Variants in FRMD7 observed in about 807,000 individuals in gnomAD.
FRMD7 encodes FERM domain containing 7.
A neutral mutation model predicts 44.1 loss-of-function variants in FRMD7; 14 were observed. The observed-to-expected ratio is 0.32, with a 90% CI of 0.21 to 0.50. The LOEUF is 0.50. Ranked by LOEUF, FRMD7 falls within the 20% of genes least tolerant of loss-of-function variation. The pLI, the probability that FRMD7 is intolerant of heterozygous loss-of-function variation, is 0.99. For synonymous variants in FRMD7, 212 were observed against 187.4 expected, an observed-to-expected ratio of 1.13 and a Z score of -1.07; for missense variants, 501 against 522.3, an observed-to-expected ratio of 0.96 and a Z score of 0.40.
In FRMD7 at chrX:132,077,924, G is replaced by T. The variant is rs755805433; in HGVS notation, c.2093C>A (p.Pro698Gln). ...EEDEDAYFNT[P>Q]TAEDRTSLKP... is the part of the protein sequence containing the mutation. The stretch of plus-strand genomic sequence containing the variant: ...TAGTGAAGTCCTGTCTTCAGCAGTT[G>T]GTGTGTTGAAATAAGCATCTTCATC... The change falls in exon 12 of 12, where the codon CCA becomes CAA. Residue 698 changes from proline to glutamine, a missense_variant. Transcript: ENST00000298542. 9.9e-6 allele frequency: 12 copies of T among 1,210,224 alleles called. No homozygotes were observed. The highest frequency in any genetic ancestry group is 1.3e-5 in the Non-Finnish European group (12 of 894,129).
intron 1 of FRMD7, among the ~76,000 whole-genome samples, chrX:132,116,613 A>G (rs1303976976): frequency 8.9e-6 from 1 of 111,784 alleles, no homozygotes; most frequent in Non-Finnish European, 1.9e-5. Context: ...GGAGCTGAAC[A>G]ATGAGAACAC....
At chrX:132,096,495 C>T (rs1166525945) in intron 4 of FRMD7, among the ~76,000 whole-genome samples, 2 of 107,726 alleles carry the variant, frequency 1.9e-5, no homozygotes, top group Non-Finnish European at 3.8e-5. Context: ...GGCGGAGAAT[C>T]ATTTGAGCTC....
intron 1 of FRMD7, among the ~76,000 whole-genome samples, chrX:132,109,550 C>T (rs67284309): frequency 0.083 from 9,231 of 111,299 alleles, 359 homozygotes; most frequent in Non-Finnish European, 0.11. Context: ...ATACTCTCCT[C>T]GGCTCCAGGG....
chrX:132,094,284 T>A (rs899185742), intron 4 of FRMD7, 145 bp from the exon 5 acceptor site: 15 of 476,494 alleles, frequency 3.1e-5, no homozygotes, highest in Non-Finnish European at 4.8e-5. Flanking sequence ...GAGTAATGCA[T>A]AGGCTTTGCT....
chrX:132,077,272 G>C lies in FRMD7; in HGVS notation c.*600C>G, dbSNP rs750133372. On this transcript the variant is annotated 3_prime_UTR_variant, in exon 12 of 12. Coordinates refer to ENST00000298542, the MANE Select transcript of FRMD7 (RefSeq NM_194277.3). The stretch of plus-strand genomic sequence containing the variant: ...TTTCCTAGGTTTAGAATTCTGCCAA[G>C]TCCTAGATTAATTCTAAACCTGTAT... 328 of 111,901 alleles carry C rather than the reference G, an allele frequency of 2.9e-3. No homozygotes were observed. The highest frequency in any genetic ancestry group is 5.0e-3 in the Non-Finnish European group (267 of 53,289). 9.2% of individuals were successfully genotyped at this position (111,901 alleles called of 1,213,427 possible). A position where few individuals can be genotyped will look rare whatever the true frequency, so the allele number is the denominator to read the frequency against.
intron 1 of FRMD7, among the ~76,000 whole-genome samples, chrX:132,114,928 G>A (rs138918056): frequency 3.4e-4 from 38 of 112,267 alleles, no homozygotes; most frequent in African/African-American, 1.1e-3. Flanking sequence ...CTCTTCACTT[G>A]GGTTCCTGCT....
chrX:132,097,818 C>T (rs1928386154), intron 3 of FRMD7, among the ~76,000 whole-genome samples: 1 of 112,440 alleles, frequency 8.9e-6, no homozygotes, highest in Admixed American at 9.5e-5. Flanking sequence ...ATTAAGAAAA[C>T]ACATATACTT....
At chrX:132,111,286 G>T (rs745524249) in intron 1 of FRMD7, among the ~76,000 whole-genome samples, 2 of 111,590 alleles carry the variant, frequency 1.8e-5, no homozygotes, top group South Asian at 3.8e-4. Context: ...TTTTGAGACT[G>T]AGTTATAAGA....
chrX:132,095,557 T>C (rs1928307394), intron 4 of FRMD7, among the ~76,000 whole-genome samples: 1 of 112,424 alleles, frequency 8.9e-6, no homozygotes, highest in Non-Finnish European at 1.9e-5. Context: ...TGTGAAAATC[T>C]AGATTGAAAA....
chrX:132,127,951 A>T lies in FRMD7; in HGVS notation c.-107T>A. ...GGTGCACTCGGGCCCCCCCACCCCC[A>T]GCCAGGCATTCCCACTGTCAGCGGG... On this transcript the variant is annotated 5_prime_UTR_variant, in exon 1 of 12. Coordinates refer to ENST00000298542, the MANE Select transcript of FRMD7 (RefSeq NM_194277.3). 1.5e-6 allele frequency: 1 copy of T among 647,715 alleles called. No individual in the cohort carries two copies. The highest frequency in any genetic ancestry group is 2.2e-5 in the South Asian group (1 of 45,309). The allele number at this position is 647,715 out of a possible 1,213,427, so 53.4% of individuals were successfully genotyped here. A position where few individuals can be genotyped will look rare whatever the true frequency, so the allele number is the denominator to read the frequency against.
chrX:132,112,907 C>A (rs1928813631), intron 1 of FRMD7, among the ~76,000 whole-genome samples: 1 of 111,627 alleles, frequency 9.0e-6, no homozygotes, highest in Admixed American at 9.5e-5. Context: ...ATGACCTGGA[C>A]AGGTTGCATC....
intron 5 of FRMD7, among the ~76,000 whole-genome samples, chrX:132,086,842 T>A (rs528055046): frequency 1.8e-5 from 2 of 112,025 alleles, no homozygotes; most frequent in South Asian, 7.5e-4. Flanking sequence ...GAAAGAGGAA[T>A]ATAAATGCCA....
rs1029630139 is a variant in FRMD7, at chrX:132,077,572, A to G, written c.*300T>C. Reference sequence around the variant, plus strand: ...CCATTCTTCAGCATTGAAGAGCCTGACCTTCACTCACAATGTCTCTATGAG... The same window carrying G: ...CCATTCTTCAGCATTGAAGAGCCTGGCCTTCACTCACAATGTCTCTATGAG... On this transcript the variant is annotated 3_prime_UTR_variant, in exon 12 of 12. Coordinates refer to ENST00000298542, the MANE Select transcript of FRMD7 (RefSeq NM_194277.3). 9.1e-5 allele frequency: 28 copies of G among 308,654 alleles called. No individual in the cohort carries two copies. The highest frequency in any genetic ancestry group is 6.4e-4 in the South Asian group (12 of 18,711). 25.4% of individuals were successfully genotyped at this position (308,654 alleles called of 1,213,427 possible).
At chrX:132,108,955 A>G (rs915126192) in intron 1 of FRMD7, among the ~76,000 whole-genome samples, 2 of 111,806 alleles carry the variant, frequency 1.8e-5, no homozygotes, top group Non-Finnish European at 3.8e-5. Context: ...AAAGCTCTTT[A>G]AACAAATGTA....
At chrX:132,123,331 G>A (rs894986787) in intron 1 of FRMD7, among the ~76,000 whole-genome samples, 3 of 111,280 alleles carry the variant, frequency 2.7e-5, no homozygotes, top group Non-Finnish European at 3.8e-5. Context: ...ATTACTCCTC[G>A]CAACAACTCA....
rs966404639 is a variant in FRMD7, at chrX:132,079,986, G to A, written c.1050+20C>T. 4.6e-6 allele frequency: 5 copies of A among 1,080,953 alleles called. No individual in the cohort carries two copies. Among genetic ancestry groups the A allele is most frequent in the Non-Finnish European group, 6.4e-6 (5 of 776,308 alleles). The allele number at this position is 1,080,953 out of a possible 1,213,427, so 89.1% of individuals were successfully genotyped here. A position where few individuals can be genotyped will look rare whatever the true frequency, so the allele number is the denominator to read the frequency against. ...CAAATTACATTTATCTAAAGAAGTA[G>A]AAATTTTCAGAAACCTTACTTGTTT... On this transcript the variant is annotated intron_variant, in intron 11 of 11. Coordinates refer to ENST00000298542, the MANE Select transcript of FRMD7 (RefSeq NM_194277.3).
chrX:132,080,295 G>T (rs751277974), intron 9 of FRMD7, 29 bp from the exon 10 acceptor site: 2 of 1,025,300 alleles, frequency 2.0e-6, no homozygotes, highest in South Asian at 1.9e-5. Flanking sequence ...AAAATCCTTA[G>T]TTCTAGCCAT....
intron 1 of FRMD7, among the ~76,000 whole-genome samples, chrX:132,114,749 G>C (rs1928860369): frequency 8.9e-6 from 1 of 111,889 alleles, no homozygotes; most frequent in South Asian, 3.7e-4. Context: ...CTACACTAAG[G>C]GACCAGTTCT....
rs578063864 is a variant in FRMD7, at chrX:132,079,428, T to C, written c.1051-462A>G. 8.9e-5 allele frequency among the ~76,000 whole-genome samples: 10 copies of C among 112,065 alleles called. No individual in the cohort carries two copies. In the South Asian group the frequency reaches 3.7e-3, roughly 42 times the overall value. ...ATATACTAAATGGCTCCTTTCATCA[T>C]TATGCCTCTGATGCCTTTTGGATAA... On this transcript the variant is annotated intron_variant, in intron 11 of 11. Transcript: ENST00000298542.
Sources: allele counts gnomAD v4.1 joint callset (sites outside exome capture counted in the v4.1 genomes callset), GRCh38; gene constraint gnomAD v4.1.1; transcripts MANE v1.5; gene names NCBI Gene and HGNC (gene_info 2026-07-23, HGNC 2026-07-21).